Variants in DPYD observed in about 807,000 individuals in gnomAD.
DPYD encodes the protein dihydropyrimidine dehydrogenase.
A neutral mutation model predicts 116.2 loss-of-function variants in DPYD; 109 were observed. The ratio of observed to expected loss-of-function variants is 0.94; its 90% CI spans 0.80 to 1.10. The LOEUF (loss-of-function observed/expected upper bound fraction) is 1.10. Ranked by LOEUF, DPYD falls within the 50% of genes least tolerant of loss-of-function variation. The pLI, the probability that DPYD is intolerant of heterozygous loss-of-function variation, is 0.00. For missense variants in DPYD, 1,302 were observed against 1,254.5 expected, an observed-to-expected ratio of 1.04 and a Z score of -0.57; for synonymous variants, 440 against 432.0, an observed-to-expected ratio of 1.02 and a Z score of -0.23.
intron 20 of DPYD, among the ~76,000 whole-genome samples, chr1:97,125,391 T>C (rs1007712817): frequency 6.6e-6 from 1 of 152,120 alleles, no homozygotes; most frequent in Non-Finnish European, 1.5e-5. Flanking sequence ...CTCACTCATA[T>C]CCAACATCTC....
intron 4 of DPYD, among the ~76,000 whole-genome samples, chr1:97,739,766 ATTATTCAAT>A (rs1664159447): frequency 6.6e-6 from 1 of 152,046 alleles, no homozygotes; most frequent in South Asian, 2.1e-4. Flanking sequence ...GGTACTATCA[ATTATTCAAT>A]CAATCAACCA....
intron 1 of DPYD, among the ~76,000 whole-genome samples, chr1:97,885,630 C>A (rs1672448366): frequency 6.6e-6 from 1 of 151,986 alleles, no homozygotes; most frequent in Admixed American, 6.6e-5. Context: ...GCTTTCACAT[C>A]CATTATGTAA....
chr1:97,355,587 C>T (rs1339958051), intron 16 of DPYD, among the ~76,000 whole-genome samples: 1 of 152,158 alleles, frequency 6.6e-6, no homozygotes, highest in Non-Finnish European at 1.5e-5. Flanking sequence ...TTCTCCCCAC[C>T]CCGAGCTTCT....
intron 14 of DPYD, among the ~76,000 whole-genome samples, chr1:97,448,168 G>C (rs564330640): frequency 6.6e-6 from 1 of 152,148 alleles, no homozygotes; most frequent in Non-Finnish European, 1.5e-5. Context: ...AGCGAGCCAT[G>C]ATGGCGCCAA....
chr1:97,307,212 A>G (rs182584467), intron 16 of DPYD, among the ~76,000 whole-genome samples: 6 of 151,890 alleles, frequency 4.0e-5, no homozygotes, highest in African/African-American at 1.4e-4. Flanking sequence ...TGCTTTGATA[A>G]ATTACCTTAA....
At chr1:97,713,190 CTATAT>C (rs1248162829) in intron 5 of DPYD, among the ~76,000 whole-genome samples, 5 of 151,992 alleles carry the variant, frequency 3.3e-5, no homozygotes, top group Non-Finnish European at 4.4e-5. Flanking sequence ...TTATACTACC[CTATAT>C]TATGAGTCAT....
intron 18 of DPYD, among the ~76,000 whole-genome samples, chr1:97,278,659 G>C (rs975632220): frequency 2.0e-5 from 3 of 152,146 alleles, no homozygotes; most frequent in Non-Finnish European, 4.4e-5. Context: ...AGCCAAATGA[G>C]GATAATCTGA....
At chr1:97,301,461 C>G (rs934271216) in intron 18 of DPYD, among the ~76,000 whole-genome samples, 1 of 151,576 alleles carries the variant, frequency 6.6e-6, no homozygotes, top group African/African-American at 2.4e-5. Context: ...TTATATTGAG[C>G]CTAAAGTGTC....
At chr1:97,814,206 A>C (rs536171951) in intron 3 of DPYD, among the ~76,000 whole-genome samples, 2 of 152,158 alleles carry the variant, frequency 1.3e-5, no homozygotes, top group Non-Finnish European at 2.9e-5. Flanking sequence ...CCAAGCCTGG[A>C]AAGTTTTAGG....
chr1:97,468,353 G>A (rs1213706585), intron 13 of DPYD, among the ~76,000 whole-genome samples: 1 of 152,092 alleles, frequency 6.6e-6, no homozygotes, highest in Non-Finnish European at 1.5e-5. Flanking sequence ...TTTAGAAGGT[G>A]GGCATTTTAG....
intron 21 of DPYD, among the ~76,000 whole-genome samples, chr1:97,087,903 AG>A (rs1256133779): frequency 1.3e-5 from 2 of 152,116 alleles, no homozygotes; most frequent in East Asian, 3.9e-4. Flanking sequence ...CTAAGTAGTG[AG>A]TATTAATAGA....
chr1:97,739,770 TTCAA>T (rs1223529126), intron 4 of DPYD, among the ~76,000 whole-genome samples: 3 of 152,036 alleles, frequency 2.0e-5, no homozygotes, highest in African/African-American at 4.8e-5. Context: ...CTATCAATTA[TTCAA>T]TCAATCAACC....
At chr1:97,482,438 G>A (rs1440607358) in intron 13 of DPYD, among the ~76,000 whole-genome samples, 1 of 152,126 alleles carries the variant, frequency 6.6e-6, no homozygotes, top group East Asian at 1.9e-4. Context: ...TAAGAATGAA[G>A]AACTTGAAGG....
chr1:97,911,342 A>G (rs781209086), intron 1 of DPYD, among the ~76,000 whole-genome samples: 2 of 152,092 alleles, frequency 1.3e-5, no homozygotes, highest in Non-Finnish European at 2.9e-5. Context: ...AGCTACATAC[A>G]AATTTTTCTC....
chr1:97,821,285 C>T (rs531265788), intron 3 of DPYD, among the ~76,000 whole-genome samples: 2 of 146,184 alleles, frequency 1.4e-5, no homozygotes, highest in East Asian at 2.0e-4. Flanking sequence ...GAGCCGAGAC[C>T]GCAACAATGC....
At chr1:97,729,779 T>A (rs1663484256) in intron 4 of DPYD, among the ~76,000 whole-genome samples, 1 of 152,180 alleles carries the variant, frequency 6.6e-6, no homozygotes, top group South Asian at 2.1e-4. Context: ...GAACTTACAA[T>A]CTTCCCCATG....
intron 8 of DPYD, among the ~76,000 whole-genome samples, chr1:97,678,854 T>C (rs1247647972): frequency 2.6e-5 from 4 of 152,140 alleles, no homozygotes; most frequent in Non-Finnish European, 4.4e-5. Context: ...CTGGTGATGA[T>C]GGTGTGGTGA....
intron 18 of DPYD, among the ~76,000 whole-genome samples, chr1:97,249,176 T>C (rs1230353872): frequency 6.6e-6 from 1 of 151,662 alleles, no homozygotes; most frequent in Non-Finnish European, 1.5e-5. Flanking sequence ...AAGGACACGA[T>C]TTCATTTTAG....
intron 7 of DPYD, among the ~76,000 whole-genome samples, chr1:97,681,141 C>A (rs1660407927): frequency 6.6e-6 from 1 of 152,066 alleles, no homozygotes; most frequent in South Asian, 2.1e-4. Flanking sequence ...TCAGTATTTT[C>A]ATTTTACAGA....
Sources: allele counts gnomAD v4.1 joint callset (sites outside exome capture counted in the v4.1 genomes callset), GRCh38; gene constraint gnomAD v4.1.1; transcripts MANE v1.5; gene names NCBI Gene and HGNC (gene_info 2026-07-23, HGNC 2026-07-21).